Variants in NRG2 observed in about 807,000 individuals in gnomAD.
NRG2 encodes neuregulin 2.
Under a neutral mutation model 73.9 loss-of-function variants are expected in NRG2, and 27 were observed. The ratio of observed to expected loss-of-function variants is 0.37; its 90% CI spans 0.27 to 0.50. The LOEUF (loss-of-function observed/expected upper bound fraction) is 0.50. Among genes scored for constraint, NRG2 ranks in the 20% least tolerant of loss-of-function variants. NRG2 has a pLI of 0.96. For synonymous variants in NRG2, 532 were observed against 541.0 expected (o/e 0.98, Z 0.23); for missense variants, 1,126 against 1,210.1 (o/e 0.93, Z 1.03).
chr5:140,036,100 C>T (rs1355295734), intron 1 of NRG2, among the ~76,000 whole-genome samples: 3 of 152,182 alleles, frequency 2.0e-5, no homozygotes, highest in Non-Finnish European at 1.5e-5. Flanking sequence ...CCGGAAGTGT[C>T]AGGCCTCTGT....
At chr5:139,905,755 C>A (rs1304096757) in intron 1 of NRG2, among the ~76,000 whole-genome samples, 1 of 152,146 alleles carries the variant, frequency 6.6e-6, no homozygotes, top group Non-Finnish European at 1.5e-5. Context: ...ACCCACCCCA[C>A]TTCACACAGT....
In NRG2 at chr5:139,992,335, C is replaced by T. The variant is rs139614137; in HGVS notation, c.700+50035G>A. Among the ~76,000 whole-genome samples the T allele has an allele frequency of 1.6e-3, 237 of 152,318 alleles. 1 individual carries two copies. The highest frequency in any genetic ancestry group is 5.6e-3 in the African/African-American group (231 of 41,562). Reference sequence around the variant, plus strand: ...TTACTTTTACATATTCATCTTATATCAAGCTAACTGACTAAATTCTCCTAT... The same window carrying T: ...TTACTTTTACATATTCATCTTATATTAAGCTAACTGACTAAATTCTCCTAT... On this transcript the variant is annotated intron_variant, in intron 1 of 9. Coordinates refer to ENST00000361474, the MANE Select transcript of NRG2 (RefSeq NM_004883.3).
At chr5:140,037,066 T>A (rs774590088) in intron 1 of NRG2, among the ~76,000 whole-genome samples, 8 of 152,242 alleles carry the variant, frequency 5.3e-5, no homozygotes, top group Non-Finnish European at 7.3e-5. Flanking sequence ...GGTAGCTAAA[T>A]TCCCTGGGAT....
chr5:139,915,167 C>T lies in NRG2; in HGVS notation c.701-27656G>A, dbSNP rs941112132. Among the ~76,000 whole-genome samples the T allele has an allele frequency of 6.6e-5, 10 of 152,308 alleles. No homozygotes were observed. Among genetic ancestry groups the T allele is most frequent in the Non-Finnish European group, 1.3e-4 (9 of 68,026 alleles). ...CAGACAAACCGGCTTAATGTAATTACGGAAATGGTTGCAAGGGGGCTCTTG... is the reference window on the plus strand; with the variant it reads ...CAGACAAACCGGCTTAATGTAATTATGGAAATGGTTGCAAGGGGGCTCTTG... On this transcript the variant is annotated intron_variant, in intron 1 of 9. Coordinates refer to ENST00000361474, the MANE Select transcript of NRG2 (RefSeq NM_004883.3). The surrounding 1 kb of genome is among the most constrained non-coding windows in gnomAD (Gnocchi z 4.0).
intron 1 of NRG2, among the ~76,000 whole-genome samples, chr5:140,022,735 G>A (rs1760339477): frequency 6.6e-6 from 1 of 152,152 alleles, no homozygotes; most frequent in Admixed American, 6.5e-5. Context: ...GAACTAAAAT[G>A]AGTCAACATT....
At chr5:139,937,008 G>A (rs1752898503) in intron 1 of NRG2, among the ~76,000 whole-genome samples, 1 of 152,174 alleles carries the variant, frequency 6.6e-6, no homozygotes, top group South Asian at 2.1e-4. Context: ...CGCCATGTTG[G>A]CCAGGCTGGT....
At chr5:140,020,529 T>C (rs1055316384) in intron 1 of NRG2, among the ~76,000 whole-genome samples, 1 of 152,220 alleles carries the variant, frequency 6.6e-6, no homozygotes, top group Non-Finnish European at 1.5e-5. Flanking sequence ...TTAGGGATTT[T>C]CTAATCAATA....
At position 139,887,731 on chromosome 5, in the gene NRG2, C is replaced by T. The variant is rs1179869537; in HGVS notation, c.701-220G>A. ...GTAGTTATAACTTATGGAGAGTTTC[C>T]TTCATGCCTTGAATGGTATGAAGCT... On this transcript the variant is annotated intron_variant, in intron 1 of 9. Coordinates refer to ENST00000361474, the MANE Select transcript of NRG2 (RefSeq NM_004883.3). This position sits in a 1 kb window ranked among gnomAD's most constrained non-coding sequence, Gnocchi z 4.5. Among the ~76,000 whole-genome samples the T allele has an allele frequency of 2.6e-5, 4 of 152,084 alleles. No individual in the cohort carries two copies. Among genetic ancestry groups the T allele is most frequent in the Non-Finnish European group, 4.4e-5 (3 of 68,020 alleles).
chr5:139,990,881 C>T (rs1226926792), intron 1 of NRG2, among the ~76,000 whole-genome samples: 3 of 152,112 alleles, frequency 2.0e-5, no homozygotes, highest in Middle Eastern at 3.4e-3. Context: ...TTGTTTTTTG[C>T]GTATCCTTAA....
intron 1 of NRG2, among the ~76,000 whole-genome samples, chr5:140,033,769 C>A (rs1048919500): frequency 3.3e-5 from 5 of 152,204 alleles, no homozygotes; most frequent in Non-Finnish European, 7.3e-5. Context: ...TTTACCTAGT[C>A]TTCCTGCTCA....
At chr5:139,883,638 T>C (rs1200632852) in intron 2 of NRG2, among the ~76,000 whole-genome samples, 1 of 152,124 alleles carries the variant, frequency 6.6e-6, no homozygotes. Context: ...GAAAGCAGAC[T>C]CCTGCCACTG....
intron 1 of NRG2, among the ~76,000 whole-genome samples, chr5:140,011,767 C>G (rs192183900): frequency 1.1e-4 from 16 of 152,324 alleles, no homozygotes; most frequent in African/African-American, 3.6e-4. Context: ...GGACTCACAT[C>G]TGGATTTCTG....
chr5:140,004,127 G>A (rs1433209298), intron 1 of NRG2, among the ~76,000 whole-genome samples: 1 of 152,202 alleles, frequency 6.6e-6, no homozygotes, highest in African/African-American at 2.4e-5. Flanking sequence ...GTGAGTGCCA[G>A]TAGGAAACTA....
intron 1 of NRG2, among the ~76,000 whole-genome samples, chr5:140,030,926 T>C (rs753052107): frequency 5.9e-5 from 9 of 152,144 alleles, no homozygotes; most frequent in Non-Finnish European, 8.8e-5. Context: ...TTACTAGCCT[T>C]TTTGGAGAAA....
intron 1 of NRG2, among the ~76,000 whole-genome samples, chr5:139,962,085 T>C (rs924070317): frequency 1.3e-5 from 2 of 152,200 alleles, no homozygotes; most frequent in African/African-American, 4.8e-5. Flanking sequence ...TCTTCTACTC[T>C]ATCTGTCTCC....
At chr5:139,995,777 G>C (rs943616847) in intron 1 of NRG2, among the ~76,000 whole-genome samples, 1 of 152,200 alleles carries the variant, frequency 6.6e-6, no homozygotes, top group African/African-American at 2.4e-5. Context: ...GCTTCGGGAG[G>C]CTGAGGAGGG....
At chr5:139,942,009 C>T (rs902014096) in intron 1 of NRG2, among the ~76,000 whole-genome samples, 15 of 152,192 alleles carry the variant, frequency 9.9e-5, no homozygotes, top group African/African-American at 1.4e-4. Context: ...ATACCAAATC[C>T]GTAGCAAAAG....
chr5:140,038,440 A>G (rs1451568637), intron 1 of NRG2, among the ~76,000 whole-genome samples: 2 of 152,242 alleles, frequency 1.3e-5, no homozygotes, highest in Admixed American at 6.5e-5. Context: ...AATCAGCACA[A>G]TGATTAAGCA....
At chr5:139,993,869 T>G (rs1757830504) in intron 1 of NRG2, among the ~76,000 whole-genome samples, 1 of 152,226 alleles carries the variant, frequency 6.6e-6, no homozygotes. Context: ...TCTGAATCCA[T>G]ATAGTCAAAT....
Sources: allele counts gnomAD v4.1 joint callset (sites outside exome capture counted in the v4.1 genomes callset), GRCh38; gene constraint gnomAD v4.1.1; non-coding constraint Gnocchi (gnomAD v3.1); transcripts MANE v1.5; gene names NCBI Gene and HGNC (gene_info 2026-07-23, HGNC 2026-07-21).